VSTM4: variants seen among roughly 807,000 people sequenced by gnomAD.
VSTM4 encodes V-set and transmembrane domain-containing protein 4.
VSTM4 carries 20 observed loss-of-function variants against 36.4 expected under a neutral mutation model. The observed-to-expected ratio is 0.55, with a 90% CI of 0.39 to 0.80. VSTM4 has a LOEUF of 0.80. VSTM4 is among the 30% of genes least tolerant of loss of function. The pLI is 0.00. For synonymous variants in VSTM4, 182 were observed against 173.9 expected, an observed-to-expected ratio of 1.05 and a Z score of -0.37; for missense variants, 392 against 404.5, an observed-to-expected ratio of 0.97 and a Z score of 0.26.
At chr10:49,103,775 G>C in intron 2 of VSTM4, 2 of 1,614,142 alleles carry the variant, frequency 1.2e-6, no homozygotes, top group South Asian at 1.1e-5. Context: ...CCATGGTTAA[G>C]TCTGCGGTGA....
intron 3 of VSTM4, among the ~76,000 whole-genome samples, chr10:49,077,993 G>GA (rs145019057): frequency 0.019 from 2,733 of 142,090 alleles, 59 homozygotes; most frequent in African/African-American, 0.05. Context: ...TTGGAGAAAT[G>GA]AAAAAAAAAA....
chr10:49,082,658 A>G (rs1374343745), intron 3 of VSTM4, among the ~76,000 whole-genome samples: 6 of 152,234 alleles, frequency 3.9e-5, no homozygotes, highest in Admixed American at 6.5e-5. Flanking sequence ...CTGGACAACA[A>G]GAGCAAAACT....
chr10:49,074,678 C>G (rs1778420401), intron 4 of VSTM4, among the ~76,000 whole-genome samples: 1 of 152,222 alleles, frequency 6.6e-6, no homozygotes, highest in Admixed American at 6.5e-5. Context: ...GAGTTGCACT[C>G]AACCAAAACC....
chr10:49,087,995 T>TATATACATATGTAATATATATGTATAC (rs1564589420), intron 2 of VSTM4, among the ~76,000 whole-genome samples: 376 of 147,722 alleles, frequency 2.5e-3, no homozygotes, highest in African/African-American at 8.9e-3. Flanking sequence ...TATATGTGTA[T>TATATACATATGTAATATATATGTATAC]ATACACATGT....
At chr10:49,029,775 G>C (rs558960552) in intron 7 of VSTM4, among the ~76,000 whole-genome samples, 50 of 152,362 alleles carry the variant, frequency 3.3e-4, no homozygotes, top group African/African-American at 1.2e-3. Flanking sequence ...CAACTAAAGG[G>C]GAAGTTGGGG....
intron 3 of VSTM4, among the ~76,000 whole-genome samples, chr10:49,084,105 T>C (rs959649923): frequency 1.3e-5 from 2 of 152,218 alleles, no homozygotes; most frequent in Non-Finnish European, 2.9e-5. Flanking sequence ...TGGGGTTGCC[T>C]CAATTTTACT....
At chr10:49,090,994 T>G in intron 2 of VSTM4, among the ~76,000 whole-genome samples, 3 of 133,450 alleles carry the variant, frequency 2.2e-5, no homozygotes, top group African/African-American at 2.7e-5. Flanking sequence ...GTCCCCATGC[T>G]GGGGTGGGGG....
At chr10:49,026,723 T>A (rs955739929) in intron 7 of VSTM4, among the ~76,000 whole-genome samples, 3 of 152,132 alleles carry the variant, frequency 2.0e-5, no homozygotes, top group African/African-American at 7.2e-5. Context: ...GGGGCAGGGC[T>A]GGGCCAGAAG....
chr10:49,083,960 C>T (rs1380209397), intron 3 of VSTM4, among the ~76,000 whole-genome samples: 8 of 152,152 alleles, frequency 5.3e-5, no homozygotes, highest in Non-Finnish European at 1.2e-4. Flanking sequence ...GATTCTGATG[C>T]ATCTGATGAT....
intron 5 of VSTM4, among the ~76,000 whole-genome samples, chr10:49,062,732 T>C (rs900796257): frequency 6.6e-6 from 1 of 152,250 alleles, no homozygotes; most frequent in African/African-American, 2.4e-5. Context: ...ACTCTGATGA[T>C]AGAATGTTGG....
chr10:49,053,796 C>T (rs780183815), intron 5 of VSTM4, among the ~76,000 whole-genome samples: 1 of 152,188 alleles, frequency 6.6e-6, no homozygotes, highest in Non-Finnish European at 1.5e-5. Context: ...ATCCCCTTGA[C>T]AGCTGCCCTC....
At chr10:49,098,035 G>A (rs532349585) in intron 2 of VSTM4, among the ~76,000 whole-genome samples, 1 of 152,270 alleles carries the variant, frequency 6.6e-6, no homozygotes, top group South Asian at 2.1e-4. Context: ...AGTATGCCCT[G>A]GACACTCTCA....
chr10:49,045,665 C>T (rs1190028512), intron 7 of VSTM4, among the ~76,000 whole-genome samples: 1 of 152,162 alleles, frequency 6.6e-6, no homozygotes, highest in Non-Finnish European at 1.5e-5. Context: ...CAGGGACTGG[C>T]CTCTAACAAA....
intron 7 of VSTM4, among the ~76,000 whole-genome samples, chr10:49,039,631 A>T (rs1843488852): frequency 6.6e-6 from 1 of 152,090 alleles, no homozygotes; most frequent in Admixed American, 6.5e-5. Flanking sequence ...GAGGACTTGC[A>T]GATGAGGTGT....
chr10:49,077,354 C>T, intron 3 of VSTM4, 28 bp from the exon 4 acceptor site: 1 of 1,610,780 alleles, frequency 6.2e-7, no homozygotes, highest in South Asian at 1.1e-5. Flanking sequence ...ACACGTGAGT[C>T]AGCCTTCTGG....
chr10:49,108,816 C>T (rs989205124), intron 1 of VSTM4, among the ~76,000 whole-genome samples: 1 of 152,110 alleles, frequency 6.6e-6, no homozygotes, highest in African/African-American at 2.4e-5. Context: ...ACTGTTCTGC[C>T]CCTGAGCTGA....
chr10:49,083,012 C>A (rs1206454533), intron 3 of VSTM4, among the ~76,000 whole-genome samples: 1 of 152,184 alleles, frequency 6.6e-6, no homozygotes, highest in Non-Finnish European at 1.5e-5. Context: ...GCCCAGCAAC[C>A]CTGATCCCAG....
chr10:49,046,924 G>T, intron 7 of VSTM4, 59 bp downstream of exon 7: 2 of 1,530,732 alleles, frequency 1.3e-6, no homozygotes, highest in South Asian at 1.1e-5. Flanking sequence ...CACTGTTTTG[G>T]AATCTGAGTT....
Position 49,041,426 on chromosome 10 carries a change from A to G in VSTM4, c.837+5557T>C, listed in dbSNP as rs184102071. Reference sequence around the variant, plus strand: ...TTCCATAAAATAAAGAATCCTTCTGAAATGCATATAGCTGCCCCAATCAAT... The same window carrying G: ...TTCCATAAAATAAAGAATCCTTCTGGAATGCATATAGCTGCCCCAATCAAT... On this transcript the variant is annotated intron_variant, in intron 7 of 7. Coordinates refer to ENST00000332853, the MANE Select transcript of VSTM4 (RefSeq NM_001031746.5). 2.5e-3 allele frequency among the ~76,000 whole-genome samples: 380 copies of G among 152,350 alleles called. 4 individuals are homozygous for G. Among genetic ancestry groups the G allele is most frequent in the Middle Eastern group, 0.014 (4 of 294 alleles).
Sources: gnomAD v4.1 joint callset for allele counts (sites outside exome capture counted in the v4.1 genomes callset) on GRCh38, gnomAD v4.1.1 for gene constraint, MANE v1.5 for transcripts, NCBI Gene and HGNC (gene_info 2026-07-23, HGNC 2026-07-21) for gene names.